GABRB1: variants seen among roughly 807,000 people sequenced by gnomAD.
The protein encoded by GABRB1 is gamma-aminobutyric acid receptor subunit beta-1.
Under a neutral mutation model 51.6 loss-of-function variants are expected in GABRB1, and 17 were observed. That is an observed-to-expected ratio of 0.33 (90% CI 0.23 to 0.49). GABRB1 has a LOEUF of 0.49. GABRB1 is among the 20% of genes least tolerant of loss of function. The pLI, the probability that GABRB1 is intolerant of heterozygous loss-of-function variation, is 0.99. For synonymous variants in GABRB1, 247 were observed against 218.9 expected (o/e 1.13, Z -1.14); for missense variants, 410 against 600.6 (o/e 0.68, Z 3.32).
At chr4:47,287,601 T>C (rs1560315179) in intron 4 of GABRB1, among the ~76,000 whole-genome samples, 1 of 152,252 alleles carries the variant, frequency 6.6e-6, no homozygotes, top group Non-Finnish European at 1.5e-5. Context: ...TGGATTTCAA[T>C]GATCCTCACT....
chr4:47,194,254 A>T (rs771106040), intron 4 of GABRB1, among the ~76,000 whole-genome samples: 1 of 152,242 alleles, frequency 6.6e-6, no homozygotes, highest in Non-Finnish European at 1.5e-5. Flanking sequence ...AGCCTGAGAC[A>T]CATATTCCAA....
intron 4 of GABRB1, among the ~76,000 whole-genome samples, chr4:47,262,840 G>T (rs181092758): frequency 6.6e-6 from 1 of 151,814 alleles, no homozygotes; most frequent in South Asian, 2.1e-4. Context: ...TGGCACATAT[G>T]CACCATGGAA....
chr4:47,251,198 T>G (rs776451108), intron 4 of GABRB1, among the ~76,000 whole-genome samples: 2 of 152,176 alleles, frequency 1.3e-5, no homozygotes, highest in Non-Finnish European at 1.5e-5. Context: ...TGGGCTCAAC[T>G]GCAGTGATTA....
At chr4:47,186,333 T>C (rs1423045583) in intron 4 of GABRB1, among the ~76,000 whole-genome samples, 1 of 151,780 alleles carries the variant, frequency 6.6e-6, no homozygotes, top group Non-Finnish European at 1.5e-5. Context: ...CTATCATGCA[T>C]ATTAAGTATC....
At chr4:47,362,119 C>G (rs1382546164) in intron 5 of GABRB1, among the ~76,000 whole-genome samples, 1 of 152,092 alleles carries the variant, frequency 6.6e-6, no homozygotes, top group Non-Finnish European at 1.5e-5. Context: ...TAGGAGAAAA[C>G]AATATCAGAG....
intron 4 of GABRB1, among the ~76,000 whole-genome samples, chr4:47,231,152 T>C (rs1721128005): frequency 6.6e-6 from 1 of 152,210 alleles, no homozygotes. Context: ...CTTCAGAAGC[T>C]ATTGGAAGAT....
chr4:47,144,891 T>C (rs1717091761), intron 3 of GABRB1, among the ~76,000 whole-genome samples: 1 of 151,896 alleles, frequency 6.6e-6, no homozygotes, highest in Non-Finnish European at 1.5e-5. Context: ...AGTTAGATCA[T>C]GACCACGCAT....
chr4:47,158,465 AC>A (rs1717792763), intron 3 of GABRB1, among the ~76,000 whole-genome samples: 1 of 152,050 alleles, frequency 6.6e-6, no homozygotes, highest in Non-Finnish European at 1.5e-5. Flanking sequence ...ATATATTTTC[AC>A]CATTACACAT....
At chr4:47,422,406 TCTC>T (rs1443544734) in intron 8 of GABRB1, among the ~76,000 whole-genome samples, 1 of 152,182 alleles carries the variant, frequency 6.6e-6, no homozygotes, top group Non-Finnish European at 1.5e-5. Flanking sequence ...CAAACTCCCT[TCTC>T]CTCCTTGCTA....
rs190689960 is a variant in GABRB1, at chr4:47,337,980, G to C, written c.544+17771G>C. Reference sequence around the variant, plus strand: ...ATTTGCTTCCCCCAGAATTCTGAGCGGCTTCAACTTCTTTCTGTAACAGTT... The same window carrying C: ...ATTTGCTTCCCCCAGAATTCTGAGCCGCTTCAACTTCTTTCTGTAACAGTT... On this transcript the variant is annotated intron_variant, in intron 5 of 8. Coordinates refer to ENST00000295454, the MANE Select transcript of GABRB1 (RefSeq NM_000812.4). Among the ~76,000 whole-genome samples, 784 of 152,142 alleles carry C rather than the reference G, an allele frequency of 5.2e-3. 6 individuals carry two copies. Among genetic ancestry groups the C allele is most frequent in the South Asian group, 0.016 (79 of 4,810 alleles).
chr4:47,168,284 G>A (rs1474892811), intron 4 of GABRB1, among the ~76,000 whole-genome samples: 1 of 152,114 alleles, frequency 6.6e-6, no homozygotes, highest in Non-Finnish European at 1.5e-5. Flanking sequence ...AACACTGGGA[G>A]ATCAAAAGTA....
intron 5 of GABRB1, among the ~76,000 whole-genome samples, chr4:47,352,519 A>G (rs1726390354): frequency 6.6e-6 from 1 of 152,220 alleles, no homozygotes; most frequent in Non-Finnish European, 1.5e-5. Flanking sequence ...AATCCTCAAT[A>G]AAATACTGGC....
intron 4 of GABRB1, among the ~76,000 whole-genome samples, chr4:47,161,728 T>G (rs924818015): frequency 3.3e-5 from 5 of 152,070 alleles, no homozygotes; most frequent in Non-Finnish European, 7.4e-5. Context: ...ATATGTAAAG[T>G]GGTGGCTCTT....
chr4:47,126,212 C>A (rs1212451696), intron 3 of GABRB1, among the ~76,000 whole-genome samples: 1 of 151,928 alleles, frequency 6.6e-6, no homozygotes, highest in Non-Finnish European at 1.5e-5. Flanking sequence ...TGCATAATCT[C>A]ACATATATGT....
intron 3 of GABRB1, among the ~76,000 whole-genome samples, chr4:47,130,104 C>T (rs1302526665): frequency 6.6e-6 from 1 of 152,146 alleles, no homozygotes. Context: ...TAACTGTCTC[C>T]ATAGCATTTG....
At chr4:47,240,084 T>C (rs1721468198) in intron 4 of GABRB1, among the ~76,000 whole-genome samples, 1 of 152,206 alleles carries the variant, frequency 6.6e-6, no homozygotes, top group Non-Finnish European at 1.5e-5. Context: ...GTTGCTGGCC[T>C]TGTTAGGAGT....
rs867615204 is a variant in GABRB1 at position 47,296,409 on chromosome 4, G to C, written c.462-23718G>C. 2.0e-5 allele frequency among the ~76,000 whole-genome samples: 3 copies of C among 152,264 alleles called. No individual in the cohort carries two copies. The Middle Eastern group carries it at 0.01, about 525-fold the overall frequency. ...CATAGGCTCAAAATACAAGGATGGAGGAAGATCTACCAAGCAAATGGAAAA... is the reference window on the plus strand; with the variant it reads ...CATAGGCTCAAAATACAAGGATGGACGAAGATCTACCAAGCAAATGGAAAA... On this transcript the variant is annotated intron_variant, in intron 4 of 8. Transcript: ENST00000295454.
At chr4:47,336,594 G>C (rs1174993598) in intron 5 of GABRB1, among the ~76,000 whole-genome samples, 1 of 152,112 alleles carries the variant, frequency 6.6e-6, no homozygotes, top group Admixed American at 6.6e-5. Flanking sequence ...AGTGAGATAG[G>C]AGAAAACCTA....
At chr4:47,132,932 T>G (rs1716487973) in intron 3 of GABRB1, among the ~76,000 whole-genome samples, 1 of 152,190 alleles carries the variant, frequency 6.6e-6, no homozygotes, top group Non-Finnish European at 1.5e-5. Flanking sequence ...TCATTTTGTT[T>G]AAATCCCTGC....
Sources: allele counts gnomAD v4.1 joint callset (sites outside exome capture counted in the v4.1 genomes callset), GRCh38; gene constraint gnomAD v4.1.1; transcripts MANE v1.5; gene names NCBI Gene and HGNC (gene_info 2026-07-23, HGNC 2026-07-21).